The following PKD1L3 variants were observed in gnomAD, a reference collection of about 807,000 sequenced individuals.
The protein encoded by PKD1L3 is polycystin-1-like protein 3.
PKD1L3 carries 239 observed loss-of-function variants against 184.1 expected under a neutral mutation model. The ratio of observed to expected loss-of-function variants is 1.30; its 90% CI spans 1.17 to 1.45. The LOEUF is 1.45. Among genes scored for constraint, PKD1L3 ranks in the 40% most tolerant of loss-of-function variants. The pLI, the probability that PKD1L3 is intolerant of heterozygous loss-of-function variation, is 0.00. For synonymous variants in PKD1L3, 996 were observed against 778.8 expected, an observed-to-expected ratio of 1.28 and a Z score of -4.64; for missense variants, 2,660 against 2,067.2, an observed-to-expected ratio of 1.29 and a Z score of -5.56.
chr16:71,987,339 G>A (rs1445262656), intron 4 of PKD1L3, among the ~76,000 whole-genome samples: 2 of 151,876 alleles, frequency 1.3e-5, no homozygotes, highest in Non-Finnish European at 2.9e-5. Flanking sequence ...TCCTGCCTCA[G>A]CCTCCCAAGC....
intron 24 of PKD1L3, 81 bp from the exon 25 acceptor site, chr16:71,937,500 C>G: frequency 7.0e-7 from 1 of 1,435,142 alleles, no homozygotes; most frequent in African/African-American, 1.4e-5. Context: ...TTGAATAACC[C>G]CAACTCTTCC....
chr16:71,990,627 G>A (rs1020018717), intron 3 of PKD1L3, among the ~76,000 whole-genome samples: 3 of 152,018 alleles, frequency 2.0e-5, no homozygotes, highest in Non-Finnish European at 4.4e-5. Context: ...CCAGCTACTC[G>A]GGAGGCTGAG....
chr16:71,967,017 C>T lies in PKD1L3; in HGVS notation c.2465+120G>A, dbSNP rs1406255210. On this transcript the variant is annotated intron_variant, in intron 15 of 29. Coordinates refer to ENST00000620267, the MANE Select transcript of PKD1L3 (RefSeq NM_181536.2). ...GTGTAGACAGCTTTGAAACTGAAAT[C>T]TAATAGTCATTTGTTACTATTTGGC... 6.1e-6 allele frequency: 7 copies of T among 1,146,612 alleles called. No individual in the cohort carries two copies. In the Admixed American group the frequency reaches 2.0e-4, roughly 32 times the overall value. 71.0% of individuals were successfully genotyped at this position (1,146,612 alleles called of 1,614,324 possible). A position where few individuals can be genotyped will look rare whatever the true frequency, so the allele number is the denominator to read the frequency against.
chr16:71,978,245 C>A lies in PKD1L3; in HGVS notation c.1527+10G>T. ...CTCTTCTATTTTATTCCCTAAGAAT[C>A]AGTTCCTACCTCAATGTCCTCCATT... On this transcript the variant is annotated intron_variant, in intron 10 of 29. Coordinates refer to ENST00000620267, the MANE Select transcript of PKD1L3 (RefSeq NM_181536.2). 6.5e-7 allele frequency: 1 copy of A among 1,546,600 alleles called. No individual in the cohort carries two copies. The highest frequency in any genetic ancestry group is 8.7e-7 in the Non-Finnish European group (1 of 1,143,488).
At chr16:71,933,561 G>T in intron 27 of PKD1L3, 40 bp from the exon 28 acceptor site, 2 of 1,406,730 alleles carry the variant, frequency 1.4e-6, no homozygotes, top group South Asian at 1.2e-5. Flanking sequence ...CAAGCCGAGC[G>T]CACATCTTTC....
intron 12 of PKD1L3, among the ~76,000 whole-genome samples, chr16:71,970,825 A>G (rs898603662): frequency 2.6e-5 from 4 of 152,226 alleles, no homozygotes; most frequent in Middle Eastern, 3.4e-3. Context: ...AATAAATAAT[A>G]CATAAATATA....
rs1429198949 is a variant in PKD1L3, at chr16:71,982,219, G to A, written c.983C>T (p.Ser328Phe). The change falls in exon 7 of 30, where the codon TCC becomes TTC. Residue 328 changes from serine to phenylalanine, a missense_variant. By Grantham distance (155) the Ser-to-Phe change is radical. Coordinates refer to ENST00000620267, the MANE Select transcript of PKD1L3 (RefSeq NM_181536.2). Reference sequence around the variant, plus strand: ...TAACTCCTCACTCAGGTAAATAAGGGAATTGATGAGATTAACCTGGGAGGA... The same window carrying A: ...TAACTCCTCACTCAGGTAAATAAGGAAATTGATGAGATTAACCTGGGAGGA... ...SKPAQVNLIN[S>F]LIYLSEELLR... 1.3e-6 allele frequency: 2 copies of A among 1,534,672 alleles called. No individual in the cohort carries two copies. The highest frequency in any genetic ancestry group is 2.0e-5 in the Admixed American group (1 of 48,892).
intron 18 of PKD1L3, among the ~76,000 whole-genome samples, chr16:71,952,402 G>T (rs916557096): frequency 1.3e-5 from 2 of 150,892 alleles, no homozygotes; most frequent in African/African-American, 4.9e-5. Flanking sequence ...TGTCTTTTTA[G>T]TAGAGACGGG....
intron 5 of PKD1L3, 62 bp from the exon 6 acceptor site, chr16:71,984,229 G>T (rs185519248): frequency 1.3e-6 from 2 of 1,486,062 alleles, no homozygotes; most frequent in Non-Finnish European, 1.8e-6. Flanking sequence ...GTAGTAGTCA[G>T]GGAGATTATT....
chr16:71,933,576 C>G (rs1238240298), intron 27 of PKD1L3, 55 bp from the exon 28 acceptor site: 1 of 1,303,542 alleles, frequency 7.7e-7, no homozygotes, highest in Non-Finnish European at 1.1e-6. Flanking sequence ...TCTTTCTATC[C>G]TGAGGTGCTT....
chr16:71,988,875 G>A (rs1031217547), intron 4 of PKD1L3, among the ~76,000 whole-genome samples: 2 of 152,272 alleles, frequency 1.3e-5, no homozygotes, highest in Middle Eastern at 3.4e-3. Flanking sequence ...ATGTGGGGAG[G>A]CTTAAAAGAT....
chr16:71,995,469 T>C (rs932092958), intron 2 of PKD1L3, among the ~76,000 whole-genome samples: 1 of 152,184 alleles, frequency 6.6e-6, no homozygotes, highest in African/African-American at 2.4e-5. Flanking sequence ...AGGTAACCAT[T>C]TTCATTAGTT....
At chr16:71,972,922 A>G (rs2039773405) in intron 12 of PKD1L3, among the ~76,000 whole-genome samples, 1 of 152,158 alleles carries the variant, frequency 6.6e-6, no homozygotes, top group South Asian at 2.1e-4. Flanking sequence ...ACCTGTCCTC[A>G]CCTGGCCTGG....
chr16:71,940,499 ATTTT>A (rs150640830), intron 24 of PKD1L3, among the ~76,000 whole-genome samples: 5 of 149,692 alleles, frequency 3.3e-5, no homozygotes, highest in African/African-American at 9.8e-5. Context: ...TTTGTTTTTT[ATTTT>A]TTTTTTATTT....
chr16:71,978,404 A>G, intron 9 of PKD1L3, 21 bp from the exon 10 acceptor site: 2 of 1,539,492 alleles, frequency 1.3e-6, no homozygotes, highest in Non-Finnish European at 8.8e-7. Flanking sequence ...AGAGAAGCCC[A>G]GTTTTATCCA....
intron 2 of PKD1L3, among the ~76,000 whole-genome samples, chr16:71,996,192 T>C (rs2040776446): frequency 1.3e-5 from 2 of 151,094 alleles, no homozygotes; most frequent in South Asian, 4.2e-4. Context: ...GCTGATACAG[T>C]CATGTCAAAA....
At chr16:71,936,439 G>T (rs1346507729) in intron 25 of PKD1L3, among the ~76,000 whole-genome samples, 1 of 150,674 alleles carries the variant, frequency 6.6e-6, no homozygotes, top group African/African-American at 2.4e-5. Flanking sequence ...CTGACCTCAG[G>T]TGATCAACCC....
rs780915822 is a variant in PKD1L3, at chr16:71,935,534, A to C, written c.4453-16T>G. 21 of 1,550,108 alleles carry C rather than the reference A, an allele frequency of 1.4e-5. No homozygotes were observed. The highest frequency in any genetic ancestry group is 1.7e-5 in the Non-Finnish European group (20 of 1,145,756). ...GCTGACAACCCTAAACATAGACAGC[A>C]CAGTCACTGTTGCTTGTCTGAGAGA... is the stretch of plus-strand genomic sequence containing the variant. On this transcript the variant is annotated splice_polypyrimidine_tract_variant and intron_variant, in intron 25 of 29. Coordinates refer to ENST00000620267, the MANE Select transcript of PKD1L3 (RefSeq NM_181536.2).
chr16:71,960,602 A>G (rs1293556671), intron 16 of PKD1L3, among the ~76,000 whole-genome samples: 1 of 152,202 alleles, frequency 6.6e-6, no homozygotes, highest in Non-Finnish European at 1.5e-5. Flanking sequence ...AACATCCAAT[A>G]GACATATAAA....
Sources: gnomAD v4.1 joint callset for allele counts (sites outside exome capture counted in the v4.1 genomes callset) on GRCh38, gnomAD v4.1.1 for gene constraint, MANE v1.5 for transcripts, NCBI Gene and HGNC (gene_info 2026-07-23, HGNC 2026-07-21) for gene names.